The following PNKP variants were observed in gnomAD, a reference collection of about 807,000 sequenced individuals.
PNKP encodes the protein bifunctional polynucleotide phosphatase/kinase.
In PNKP, 82 loss-of-function variants were observed where a neutral mutation model predicts 66.2. The observed-to-expected ratio is 1.24, with a 90% confidence interval of 1.04 to 1.49. PNKP has a LOEUF of 1.49. Ranked by LOEUF, PNKP falls within the 40% of genes most tolerant of loss-of-function variation. PNKP has a pLI of 0.00. For synonymous variants in PNKP, 412 were observed against 298.9 expected (o/e 1.38, Z -3.90); for missense variants, 907 against 706.8 (o/e 1.28, Z -3.21).
At position 49,861,678 on chromosome 19, in the gene PNKP, C is replaced by T. The variant is rs1038631441; in HGVS notation, c.1316G>A (p.Arg439Gln). 9 of 1,547,386 alleles carry T rather than the reference C, an allele frequency of 5.8e-6. No individual in the cohort carries two copies. The highest frequency in any genetic ancestry group is 2.4e-5 in the East Asian group (1 of 40,908). The change falls in exon 15 of 17, where the codon CGA (arginine) becomes CAA (glutamine). Residue 439 changes from arginine (R) to glutamine (Q), a missense_variant. Physicochemically the swap from Arg to Gln is conservative, Grantham distance 43. Coordinates refer to ENST00000322344, the MANE Select transcript of PNKP (RefSeq NM_007254.4). The part of the protein sequence containing the change: ...ASRARYVQCA[R>Q]AAGVPCRCFL... Reference sequence around the variant, plus strand: ...GCAGCGGCAGGGGACGCCCGCGGCTCGGGCACACTGGACGTACCTGTGGGG... The same window carrying T: ...GCAGCGGCAGGGGACGCCCGCGGCTTGGGCACACTGGACGTACCTGTGGGG...
At chr19:49,864,147 A>C in intron 6 of PNKP, 32 bp downstream of exon 6, 4 of 1,613,216 alleles carry the variant, frequency 2.5e-6, no homozygotes, top group Non-Finnish European at 3.4e-6. Flanking sequence ...CGCCACGTGC[A>C]CGTGCCCATG....
Position 49,867,144 on chromosome 19 carries a change from G to C in PNKP, c.61C>G (p.Pro21Ala), listed in dbSNP as rs201748578. The C allele has an allele frequency of 2.9e-5, 46 of 1,612,846 alleles. No homozygotes were observed. In the East Asian group the frequency reaches 9.8e-4, roughly 34 times the overall value. ...WLESPPGGAP[P>A]IFLPSDGQAL... ...TGCCCGTCCGAGGGCAGGAAGATGG[G>C]GGGCGCTCCCCCAGGGGGGCTCTCG... is the stretch of plus-strand genomic sequence containing the variant. The change falls in exon 2 of 17, where the codon CCC (proline) becomes GCC (alanine). Residue 21 changes from proline to alanine, a missense_variant. Coordinates refer to ENST00000322344, the MANE Select transcript of PNKP (RefSeq NM_007254.4).
At position 49,862,389 on chromosome 19, in the gene PNKP, C is replaced by T. The variant is rs1189277791; in HGVS notation, c.1011G>A (p.Glu337=). ...FFLKWPAAGF[E]LPAFDPRTVS... is the part of the protein sequence containing the mutation. ...GCCTCACCGGATCAAAGGCTGGGAG[C>T]TCGAAGCCGGCTGCTGGCCACTTGA... Residue 337 remains glutamate, a synonymous_variant, in exon 11 of 17, where the codon GAG becomes GAA. Transcript: ENST00000322344. The T allele has an allele frequency of 6.4e-7, 1 of 1,553,322 alleles. No individual in the cohort carries two copies. The highest frequency in any genetic ancestry group is 1.9e-5 in the Admixed American group (1 of 51,474).
rs746254179 is a variant in PNKP at position 49,862,729 on chromosome 19, C to G, written c.826G>C (p.Gly276Arg). 1.1e-5 allele frequency: 18 copies of G among 1,613,980 alleles called. No individual in the cohort carries two copies. The South Asian group carries it at 2.0e-4, about 18-fold the overall frequency. The change falls in exon 9 of 17, where the codon GGC (glycine) becomes CGC (arginine). Residue 276 changes from glycine to arginine, a missense_variant. Coordinates refer to ENST00000322344, the MANE Select transcript of PNKP (RefSeq NM_007254.4). ...WDHLQEQAND[G>R]TPISIGDSIF... is the part of the protein sequence containing the mutation. ...CTGTCCCCGATGGATATGGGCGTGCCGTCGTTGGCCTACGGGAGACGGTAG... is the reference window on the plus strand; with the variant it reads ...CTGTCCCCGATGGATATGGGCGTGCGGTCGTTGGCCTACGGGAGACGGTAG...
In PNKP at chr19:49,861,662, G is replaced by C; in HGVS notation, c.1332C>G (p.Pro444=). ...TGGCGGTGAAGAGGAAGCAGCGGCA[G>C]GGGACGCCCGCGGCTCGGGCACACT... The part of the protein sequence containing the change: ...YVQCARAAGV[P]CRCFLFTATL... Residue 444 remains proline (P), a synonymous_variant, in exon 15 of 17, where the codon CCC becomes CCG. Transcript: ENST00000322344. The C allele has an allele frequency of 1.9e-6, 3 of 1,549,960 alleles. No individual in the cohort carries two copies. Among genetic ancestry groups the C allele is most frequent in the Non-Finnish European group, 2.6e-6 (3 of 1,146,948 alleles).
intron 3 of PNKP, 156 bp downstream of exon 3, chr19:49,866,242 CG>C: frequency 1.3e-6 from 1 of 754,064 alleles, no homozygotes; most frequent in East Asian, 2.5e-5. Context: ...TCAAGCGATC[CG>C]CCCGCCTCGG....
rs1057522419 is a variant in PNKP, at chr19:49,861,700, G to T, written c.1299-5C>A. The T allele has an allele frequency of 1.3e-6, 2 of 1,548,316 alleles. No homozygotes were observed. Among genetic ancestry groups the T allele is most frequent in the East Asian group, 2.4e-5 (1 of 40,902 alleles). ...GCTCGGGCACACTGGACGTACCTGT[G>T]GGGGAAGGAGCTGGATGTGCAGGCC... On this transcript the variant is annotated splice_polypyrimidine_tract_variant and splice_region_variant and intron_variant, in intron 14 of 16. Transcript: ENST00000322344.
chr19:49,866,089 T>A (rs1330081438), intron 3 of PNKP: 1 of 439,340 alleles, frequency 2.3e-6, no homozygotes, highest in East Asian at 4.9e-5. Flanking sequence ...CACTGCTCAC[T>A]ACACCCTTGA....
chr19:49,862,789 C>T (rs1390856019), intron 8 of PNKP, 51 bp from the exon 9 acceptor site: 7 of 1,598,186 alleles, frequency 4.4e-6, no homozygotes, highest in East Asian at 4.5e-5. Flanking sequence ...CCCCCCGCAG[C>T]GGTAGCGGGT....
chr19:49,862,589 GGCCGGGC>G lies in PNKP; in HGVS notation c.878_884del (p.Arg293ProfsTer67). 1 of 1,613,506 alleles carries G rather than the reference GGCCGGGC, an allele frequency of 6.2e-7. No homozygotes were observed. Among genetic ancestry groups the G allele is most frequent in the Non-Finnish European group, 8.5e-7 (1 of 1,179,710 alleles). On this transcript the variant is annotated frameshift_variant, in exon 10 of 17. Coordinates refer to ENST00000322344, the MANE Select transcript of PNKP (RefSeq NM_007254.4). LOFTEE classifies it high-confidence loss of function. ...TCTTCTTCCGCCCCGGGGCCCAGTT[GGCCGGGC>G]GTCCGGCTGCGTCTGGAACACACGG...
chr19:49,865,492 A>G lies in PNKP; in HGVS notation c.199-66T>C, dbSNP rs2074811788. The G allele has an allele frequency of 9.9e-6, 12 of 1,208,760 alleles. No homozygotes were observed. In the South Asian group the frequency reaches 1.4e-4, roughly 14 times the overall value. The allele number at this position is 1,208,760 out of a possible 1,614,324, so 74.9% of individuals were successfully genotyped here. Reference sequence around the variant, plus strand: ...CACCGGGAGCTTCCTCCAATCAAATACCCAGCGGAAAAATCAGCCCTTCTC... The same window carrying G: ...CACCGGGAGCTTCCTCCAATCAAATGCCCAGCGGAAAAATCAGCCCTTCTC... On this transcript the variant is annotated intron_variant, in intron 3 of 16. Coordinates refer to ENST00000322344, the MANE Select transcript of PNKP (RefSeq NM_007254.4).
chr19:49,862,368 C>G lies in PNKP; in HGVS notation c.1029+3G>C. On this transcript the variant is annotated splice_donor_region_variant and intron_variant, in intron 11 of 16. Transcript: ENST00000322344. ...CACCCCCACCCCCGCCCCAGGGCCT[C>G]ACCGGATCAAAGGCTGGGAGCTCGA... is the stretch of plus-strand genomic sequence containing the variant. 6.7e-7 allele frequency: 1 copy of G among 1,501,546 alleles called. No homozygotes were observed. The highest frequency in any genetic ancestry group is 9.1e-7 in the Non-Finnish European group (1 of 1,102,898). 93.0% of individuals were successfully genotyped at this position (1,501,546 alleles called of 1,614,324 possible).
In PNKP at chr19:49,865,204, G is replaced by C. The variant is rs755037999; in HGVS notation, c.421C>G (p.Arg141Gly). 6.2e-7 allele frequency: 1 copy of C among 1,614,192 alleles called. No individual in the cohort carries two copies. Among genetic ancestry groups the C allele is most frequent in the East Asian group, 2.2e-5 (1 of 44,884 alleles). ...RDAELPKKRM[R>G]KSNPGWENLE... ...TTCTCCCAGCCGGGGTTTGACTTCC[G>C]CATACGCTTCTTCGGCAGCTCAGCA... is the stretch of plus-strand genomic sequence containing the variant. Residue 141 changes from arginine to glycine, a missense_variant, in exon 4 of 17, where the codon CGG (arginine) becomes GGG (glycine). By Grantham distance (125) the Arg-to-Gly change is moderately radical (BLOSUM62 -2). Coordinates refer to ENST00000322344, the MANE Select transcript of PNKP (RefSeq NM_007254.4).
chr19:49,865,495 C>T, intron 3 of PNKP, 69 bp from the exon 4 acceptor site: 1 of 1,205,472 alleles, frequency 8.3e-7, no homozygotes, highest in South Asian at 1.3e-5. Context: ...ATCAAATACC[C>T]AGCGGAAAAA....
chr19:49,862,748 A>G lies in PNKP; in HGVS notation c.817-10T>C. 6.2e-7 allele frequency: 1 copy of G among 1,613,900 alleles called. No homozygotes were observed. The highest frequency in any genetic ancestry group is 1.1e-5 in the South Asian group (1 of 91,076). On this transcript the variant is annotated splice_polypyrimidine_tract_variant and intron_variant, in intron 8 of 16. Coordinates refer to ENST00000322344, the MANE Select transcript of PNKP (RefSeq NM_007254.4). ...GCGTGCCGTCGTTGGCCTACGGGAG[A>G]CGGTAGTGAGGAGGCCCTTCCCACA...
rs1568658916 is a variant in PNKP, at chr19:49,861,761, GGTCACGCTAC to G, written c.1298+1_1298+10del. The G allele has an allele frequency of 1.3e-6, 2 of 1,564,434 alleles. No homozygotes were observed. The highest frequency in any genetic ancestry group is 3.8e-5 in the Admixed American group (2 of 52,682). ...CGCCGCAGGCCACCTACGGCCCCGC[GGTCACGCTAC>G]CTGGCGCGGCTCGCGGCGTCTGGGT... is the stretch of plus-strand genomic sequence containing the variant. On this transcript the variant is annotated splice_donor_variant and splice_donor_5th_base_variant and intron_variant, in intron 14 of 16. Coordinates refer to ENST00000322344, the MANE Select transcript of PNKP (RefSeq NM_007254.4). LOFTEE classifies it high-confidence loss of function.
At position 49,862,606 on chromosome 19, in the gene PNKP, C is replaced by G; in HGVS notation, c.868G>C (p.Ala290Pro). ...GCCCAGTTGGCCGGGCGTCCGGCTG[C>G]GTCTGGAACACACGGGACACCCCGT... ...SIGDSIFVGD[A>P]AGRPANWAPG... Residue 290 changes from alanine to proline, a missense_variant and splice_region_variant, in exon 10 of 17, where the codon GCA becomes CCA. By Grantham distance (27) the Ala-to-Pro change is conservative (BLOSUM62 -1). Coordinates refer to ENST00000322344, the MANE Select transcript of PNKP (RefSeq NM_007254.4). 1.9e-6 allele frequency: 3 copies of G among 1,613,796 alleles called. No homozygotes were observed. The highest frequency in any genetic ancestry group is 2.5e-6 in the Non-Finnish European group (3 of 1,179,840).
rs774081821 is a variant in PNKP, at chr19:49,862,179, A to G, written c.1126+6T>C. On this transcript the variant is annotated splice_donor_region_variant and intron_variant, in intron 12 of 16. Transcript: ENST00000322344. ...CAGGGCACGCGCACAGGAACAGGAC[A>G]CTTACCCCCAGGGAATCCCACTGCG... 2.5e-6 allele frequency: 4 copies of G among 1,613,700 alleles called. No homozygotes were observed. The highest frequency in any genetic ancestry group is 2.2e-5 in the South Asian group (2 of 91,042).
intron 8 of PNKP, among the ~76,000 whole-genome samples, chr19:49,863,319 C>T (rs2074793648): frequency 6.6e-6 from 1 of 152,246 alleles, no homozygotes; most frequent in Non-Finnish European, 1.5e-5. Flanking sequence ...TTCTCCAGCT[C>T]CCTCCCTCCT....
Sources: gnomAD v4.1 joint callset for allele counts (sites outside exome capture counted in the v4.1 genomes callset) on GRCh38, gnomAD v4.1.1 for gene constraint, MANE v1.5 for transcripts, NCBI Gene and HGNC (gene_info 2026-07-23, HGNC 2026-07-21) for gene names.